The following MGAT5 variants were observed in gnomAD, a reference collection of about 807,000 sequenced individuals.
The protein encoded by MGAT5 is alpha-1,6-mannosylglycoprotein 6-beta-N-acetylglucosaminyltransferase A.
In MGAT5, 30 loss-of-function variants were observed where a neutral mutation model predicts 94.3. The ratio of observed to expected loss-of-function variants is 0.32; its 90% CI spans 0.24 to 0.43. MGAT5 has a LOEUF of 0.43. Among genes scored for constraint, MGAT5 ranks in the 20% least tolerant of loss-of-function variants. The pLI, the probability that MGAT5 is intolerant of heterozygous loss-of-function variation, is 1.00. For missense variants in MGAT5, 691 were observed against 905.5 expected (o/e 0.76, Z 3.04); for synonymous variants, 310 against 322.9 (o/e 0.96, Z 0.43).
chr2:134,412,809 C>T (rs965721217), intron 11 of MGAT5, 60 bp from the exon 12 acceptor site: 13 of 1,589,556 alleles, frequency 8.2e-6, no homozygotes, highest in African/African-American at 6.7e-5. Flanking sequence ...TAGGAATGCC[C>T]GTCCTGCCTG....
At chr2:134,145,028 G>A (rs1338612225) in intron 1 of MGAT5, among the ~76,000 whole-genome samples, 1 of 152,158 alleles carries the variant, frequency 6.6e-6, no homozygotes. Context: ...AATACTTGTG[G>A]AACTTGAATC....
intron 1 of MGAT5, among the ~76,000 whole-genome samples, chr2:134,143,787 C>T (rs1686771417): frequency 6.6e-6 from 1 of 152,176 alleles, no homozygotes; most frequent in South Asian, 2.1e-4. Context: ...ACTGTGTATT[C>T]ATTTAATCTT....
chr2:134,408,536 T>A (rs550332079), intron 11 of MGAT5, among the ~76,000 whole-genome samples: 53 of 152,320 alleles, frequency 3.5e-4, no homozygotes, highest in African/African-American at 1.2e-3. Context: ...GACAAAAGTC[T>A]GCTTTGGGCA....
chr2:134,288,362 G>A (rs138821200), intron 2 of MGAT5, among the ~76,000 whole-genome samples: 4 of 152,280 alleles, frequency 2.6e-5, no homozygotes, highest in Non-Finnish European at 5.9e-5. Context: ...AGCCCAGTCT[G>A]TAAATAAAGT....
chr2:134,194,746 C>G (rs1467853988), intron 1 of MGAT5, among the ~76,000 whole-genome samples: 1 of 152,096 alleles, frequency 6.6e-6, no homozygotes, highest in Non-Finnish European at 1.5e-5. Flanking sequence ...GCCCCCTTCA[C>G]CAGGACTTTG....
intron 1 of MGAT5, among the ~76,000 whole-genome samples, chr2:134,148,304 C>A (rs1233795154): frequency 6.6e-6 from 1 of 152,144 alleles, no homozygotes; most frequent in East Asian, 1.9e-4. Context: ...ATTGGAATCA[C>A]CTGGGGGAGT....
At chr2:134,333,596 TA>T (rs201007823) in intron 4 of MGAT5, among the ~76,000 whole-genome samples, 1,594 of 150,626 alleles carry the variant, frequency 0.011, 20 homozygotes, top group African/African-American at 0.034. Context: ...ATAATAAAAA[TA>T]AAAAAAAAGA....
intron 1 of MGAT5, among the ~76,000 whole-genome samples, chr2:134,182,305 G>T (rs1403435632): frequency 6.6e-6 from 1 of 152,190 alleles, no homozygotes; most frequent in East Asian, 1.9e-4. Flanking sequence ...TACATAGGAT[G>T]GTTGAGATCT....
chr2:134,293,854 G>A (rs1002589232), intron 2 of MGAT5, among the ~76,000 whole-genome samples: 21 of 152,142 alleles, frequency 1.4e-4, no homozygotes, highest in African/African-American at 4.3e-4. Flanking sequence ...CCAGGTCTGC[G>A]ACTATGGCTT....
intron 10 of MGAT5, among the ~76,000 whole-genome samples, chr2:134,395,742 C>T (rs893610590): frequency 1.3e-5 from 2 of 152,160 alleles, no homozygotes; most frequent in African/African-American, 4.8e-5. Flanking sequence ...CAGAAATCTC[C>T]CTATGTCTGT....
intron 10 of MGAT5, among the ~76,000 whole-genome samples, chr2:134,402,311 T>C (rs1163841580): frequency 2.0e-5 from 3 of 152,344 alleles, no homozygotes; most frequent in Non-Finnish European, 1.5e-5. Context: ...GTGCTTCTAA[T>C]AGTATAAGTA....
Position 134,412,878 on chromosome 2 carries a change from G to A in MGAT5, c.1540G>A (p.Gly514Arg). ...GTTTTCTGTCTTACAGTTGTTTGTT[G>A]GACTTGGGTTCCCTTACGAGGGCCC... The part of the protein sequence containing the change: ...FLLRETKLFV[G>R]LGFPYEGPAP... Residue 514 changes from glycine to arginine, a missense_variant, in exon 12 of 16, where the codon GGA (glycine) becomes AGA (arginine). By Grantham distance (125) the Gly-to-Arg change is moderately radical (BLOSUM62 -2). Transcript: ENST00000281923. 1 of 1,613,952 alleles carries A rather than the reference G, an allele frequency of 6.2e-7. No individual in the cohort carries two copies.
chr2:134,441,955 A>T, intron 15 of MGAT5, 40 bp downstream of exon 15: 1 of 1,599,202 alleles, frequency 6.3e-7, no homozygotes, highest in Non-Finnish European at 8.5e-7. Flanking sequence ...CAGCCCCTAG[A>T]CTCCAGCTGG....
intron 10 of MGAT5, among the ~76,000 whole-genome samples, chr2:134,392,423 C>T (rs1169712104): frequency 6.6e-6 from 1 of 152,154 alleles, no homozygotes; most frequent in Non-Finnish European, 1.5e-5. Flanking sequence ...CATTTAAAGC[C>T]TGGTGGTCAG....
chr2:134,230,435 C>T (rs74771550), intron 1 of MGAT5, among the ~76,000 whole-genome samples: 1 of 152,126 alleles, frequency 6.6e-6, no homozygotes, highest in Non-Finnish European at 1.5e-5. Context: ...GAAATAAGTT[C>T]TAGTGTTTCA....
chr2:134,402,223 C>G (rs1683097012), intron 10 of MGAT5, among the ~76,000 whole-genome samples: 1 of 152,188 alleles, frequency 6.6e-6, no homozygotes, highest in Admixed American at 6.5e-5. Context: ...GAACTTGCTT[C>G]CACTTCACAG....
chr2:134,423,912 A>T (rs1428792805), intron 13 of MGAT5, among the ~76,000 whole-genome samples: 1 of 152,244 alleles, frequency 6.6e-6, no homozygotes, highest in Non-Finnish European at 1.5e-5. Context: ...CAGGATATAC[A>T]TCTGTCTCAT....
intron 10 of MGAT5, among the ~76,000 whole-genome samples, chr2:134,373,896 T>G (rs1200918394): frequency 6.6e-6 from 1 of 152,232 alleles, no homozygotes; most frequent in Non-Finnish European, 1.5e-5. Flanking sequence ...TTGCTCCAGC[T>G]TCATCTTGGG....
intron 1 of MGAT5, among the ~76,000 whole-genome samples, chr2:134,229,380 A>G (rs925664381): frequency 1.3e-5 from 2 of 152,206 alleles, no homozygotes; most frequent in Non-Finnish European, 2.9e-5. Context: ...ATATTAACAG[A>G]TCGGCATTCC....
Sources: gnomAD v4.1 joint callset for allele counts (sites outside exome capture counted in the v4.1 genomes callset) on GRCh38, gnomAD v4.1.1 for gene constraint, MANE v1.5 for transcripts, NCBI Gene and HGNC (gene_info 2026-07-23, HGNC 2026-07-21) for gene names.